Variants in CASR observed in about 807,000 individuals in gnomAD.
The protein encoded by CASR is calcium sensing receptor.
CASR carries 23 observed loss-of-function variants against 69.1 expected under a neutral mutation model. That is an observed-to-expected ratio of 0.33 (90% CI 0.24 to 0.47). The LOEUF is 0.47. CASR is among the 20% of genes least tolerant of loss of function. The pLI is 1.00. For missense variants in CASR, 924 were observed against 1,356.1 expected, an observed-to-expected ratio of 0.68 and a Z score of 5.00; for synonymous variants, 541 against 544.7, an observed-to-expected ratio of 0.99 and a Z score of 0.10.
intron 4 of CASR, among the ~76,000 whole-genome samples, chr3:122,275,029 G>A (rs2074799342): frequency 6.6e-6 from 1 of 152,172 alleles, no homozygotes. Context: ...AAAGTTTTCA[G>A]TGCCTCAGTT....
intron 1 of CASR, among the ~76,000 whole-genome samples, chr3:122,204,288 G>A (rs1282444651): frequency 6.6e-6 from 1 of 152,056 alleles, no homozygotes; most frequent in Non-Finnish European, 1.5e-5. Flanking sequence ...GTTTTCATGA[G>A]ATCCACTTTT....
intron 4 of CASR, among the ~76,000 whole-genome samples, chr3:122,268,255 G>A (rs1308111895): frequency 6.6e-6 from 1 of 152,222 alleles, no homozygotes; most frequent in East Asian, 1.9e-4. Flanking sequence ...TATATACTAT[G>A]TGCAGTAAAT....
At chr3:122,259,512 G>A (rs1446543794) in intron 3 of CASR, among the ~76,000 whole-genome samples, 1 of 151,872 alleles carries the variant, frequency 6.6e-6, no homozygotes, top group East Asian at 1.9e-4. Flanking sequence ...AAAAGCTCTT[G>A]TCAGAAAACA....
intron 1 of CASR, among the ~76,000 whole-genome samples, chr3:122,252,391 G>GAA (rs1453219887): frequency 6.4e-4 from 11 of 17,082 alleles, no homozygotes; most frequent in African/African-American, 1.4e-3. Flanking sequence ...AGGAAGGAAG[G>GAA]AAGGAAGGAA....
chr3:122,254,209 G>T lies in CASR; in HGVS notation c.20G>T (p.Cys7Phe), dbSNP rs2074528024. The change falls in exon 2 of 7, where the codon TGC becomes TTC. Residue 7 changes from cysteine to phenylalanine, a missense_variant. Physicochemically the swap from Cys to Phe is radical, Grantham distance 205. Coordinates refer to ENST00000639785, the MANE Select transcript of CASR (RefSeq NM_000388.4). MAFYSC[C>F]WVLLALTWHT... is the part of the protein sequence containing the mutation. ...AGAACCATGGCATTTTATAGCTGCT[G>T]CTGGGTCCTCTTGGCACTCACCTGG... The T allele has an allele frequency of 1.2e-6, 2 of 1,613,290 alleles. No homozygotes were observed. The highest frequency in any genetic ancestry group is 1.7e-6 in the Non-Finnish European group (2 of 1,180,026).
At chr3:122,203,187 A>G (rs1315818951) in intron 1 of CASR, among the ~76,000 whole-genome samples, 1 of 152,246 alleles carries the variant, frequency 6.6e-6, no homozygotes, top group African/African-American at 2.4e-5. Flanking sequence ...CGACACACAC[A>G]TACACCTATT....
intron 1 of CASR, among the ~76,000 whole-genome samples, chr3:122,195,861 C>A (rs1172238879): frequency 1.3e-5 from 2 of 152,170 alleles, no homozygotes; most frequent in Non-Finnish European, 2.9e-5. Context: ...CTCTTTCATA[C>A]CCTACTGCGA....
At chr3:122,211,057 C>A (rs992057914) in intron 1 of CASR, among the ~76,000 whole-genome samples, 8 of 152,120 alleles carry the variant, frequency 5.3e-5, no homozygotes, top group South Asian at 2.1e-4. Flanking sequence ...GAAACTGGAT[C>A]CTTTCCTTAC....
In CASR at chr3:122,262,357, G is replaced by A. The variant is rs1230573005; in HGVS notation, c.1322G>A (p.Arg441Lys). The A allele has an allele frequency of 6.2e-7, 1 of 1,613,930 alleles. No individual in the cohort carries two copies. Among genetic ancestry groups the A allele is most frequent in the East Asian group, 2.2e-5 (1 of 44,902 alleles). ...GATATATATACCTGCTTACCTGGGA[G>A]AGGGCTCTTCACCAATGGCTCCTGT... ...LQDIYTCLPG[R>K]GLFTNGSCAD... The change falls in exon 4 of 7, where the codon AGA becomes AAA. Residue 441 changes from arginine (R) to lysine (K), a missense_variant. Transcript: ENST00000639785.
chr3:122,225,554 CAAAAA>C (rs33940289), intron 1 of CASR, among the ~76,000 whole-genome samples: 1 of 120,350 alleles, frequency 8.3e-6, no homozygotes, highest in African/African-American at 3.1e-5. Context: ...CTAAAAAGTC[CAAAAA>C]AAAAAAAAAA....
At chr3:122,221,729 A>C (rs1479994605) in intron 1 of CASR, among the ~76,000 whole-genome samples, 1 of 152,238 alleles carries the variant, frequency 6.6e-6, no homozygotes, top group Admixed American at 6.5e-5. Flanking sequence ...CTAGGTTTAA[A>C]TAATCCCCCC....
chr3:122,261,456 C>T, intron 3 of CASR, 72 bp from the exon 4 acceptor site: 4 of 1,411,686 alleles, frequency 2.8e-6, no homozygotes, highest in Non-Finnish European at 4.0e-6. Context: ...ACCTCCACAA[C>T]AGCCTGGAGG....
intron 1 of CASR, among the ~76,000 whole-genome samples, chr3:122,206,104 T>C (rs949602301): frequency 1.9e-4 from 29 of 152,190 alleles, no homozygotes; most frequent in African/African-American, 6.7e-4. Context: ...CTTCCAGTGC[T>C]GCATTGAATA....
At chr3:122,275,777 C>T in intron 4 of CASR, 35 bp from the exon 5 acceptor site, 1 of 1,411,064 alleles carries the variant, frequency 7.1e-7, no homozygotes, top group Non-Finnish European at 1.0e-6. Context: ...ATGTGGCAGC[C>T]CTGGGGCTTG....
Position 122,207,641 on chromosome 3 carries a change from C to T in CASR, c.-243+23829C>T, listed in dbSNP as rs148510061. Among the ~76,000 whole-genome samples the T allele has an allele frequency of 3.6e-4, 55 of 152,036 alleles. No homozygotes were observed. The East Asian group carries it at 9.1e-3, about 25-fold the overall frequency. On this transcript the variant is annotated intron_variant, in intron 1 of 6. Coordinates refer to ENST00000639785, the MANE Select transcript of CASR (RefSeq NM_000388.4). ...GAAATGAATGAAAATGGAAATGCAA[C>T]GTACTAAAATCTATGGGATACAACA...
At chr3:122,256,629 T>C (rs1483786876) in intron 2 of CASR, among the ~76,000 whole-genome samples, 1 of 152,210 alleles carries the variant, frequency 6.6e-6, no homozygotes, top group Admixed American at 6.5e-5. Flanking sequence ...TTTATTCATT[T>C]ATTTTTGAGA....
chr3:122,261,845 C>A lies in CASR; in HGVS notation c.810C>A (p.Phe270Leu). The change falls in exon 4 of 7, where the codon TTC becomes TTA. Residue 270 changes from phenylalanine (F) to leucine (L), a missense_variant. By Grantham distance (22) the Phe-to-Leu change is conservative. This residue lies in a region of CASR where 310 missense variants were observed against 395.7 expected (regional missense o/e 0.78). Transcript: ENST00000639785. ...CCACGGCCAAAGTCATCGTGGTTTT[C>A]TCCAGTGGCCCAGATCTTGAGCCCC... ...QNSTAKVIVV[F>L]SSGPDLEPLI... 6.2e-7 allele frequency: 1 copy of A among 1,614,236 alleles called. No homozygotes were observed. Among genetic ancestry groups the A allele is most frequent in the Non-Finnish European group, 8.5e-7 (1 of 1,180,038 alleles).
intron 3 of CASR, among the ~76,000 whole-genome samples, chr3:122,260,309 T>C (rs898686505): frequency 6.6e-5 from 10 of 152,370 alleles, no homozygotes; most frequent in African/African-American, 2.4e-4. Flanking sequence ...ATTTGGCTAC[T>C]TCTTCAAGCA....
intron 1 of CASR, among the ~76,000 whole-genome samples, chr3:122,241,858 C>T (rs569220487): frequency 5.9e-5 from 9 of 152,022 alleles, no homozygotes; most frequent in South Asian, 2.1e-4. Flanking sequence ...ATCCTGTGGA[C>T]GCAAGGATAG....
Sources: gnomAD v4.1 joint callset for allele counts (sites outside exome capture counted in the v4.1 genomes callset) on GRCh38, gnomAD v4.1.1 for gene constraint, gnomAD v4.1.1 regional missense constraint, MANE v1.5 for transcripts, NCBI Gene and HGNC (gene_info 2026-07-23, HGNC 2026-07-21) for gene names.